THOC2: variants seen among roughly 807,000 people sequenced by gnomAD.
THOC2 encodes THO complex subunit 2.
THOC2 carries 10 observed loss-of-function variants against 128.4 expected under a neutral mutation model. The ratio of observed to expected loss-of-function variants is 0.08; its 90% CI spans 0.05 to 0.13. The LOEUF (loss-of-function observed/expected upper bound fraction) is 0.13, where lower values mean the gene tolerates loss of function less well. THOC2 is among the 10% of genes least tolerant of loss of function. The probability of loss-of-function intolerance (pLI) is 1.00; values close to 1 mark genes in which losing one functional copy is unlikely to be tolerated. For synonymous variants in THOC2, 393 were observed against 396.9 expected (o/e 0.99, Z 0.12); for missense variants, 535 against 1,155.7 (o/e 0.46, Z 7.79).
At chrX:123,602,671 A>T (rs2046323482) in intron 38 of THOC2, 2 of 111,432 alleles carry the variant, frequency 1.8e-5, no homozygotes, top group Non-Finnish European at 3.8e-5. Context: ...CTTGCACAAC[A>T]TAGTGGATAT....
rs188299370 is a variant in THOC2, at chrX:123,650,101, C to T, written c.1387-4726G>A. On this transcript the variant is annotated intron_variant, in intron 12 of 38. Transcript: ENST00000245838. ...AAAGGGAAGCCCATCAGACTAACAG[C>T]GGATCTCTCAGCAGAAACCTTACAA... Among the ~76,000 whole-genome samples the T allele has an allele frequency of 7.8e-3, 873 of 111,929 alleles. 6 individuals are homozygous for T. Among genetic ancestry groups the T allele is most frequent in the Non-Finnish European group, 0.013 (683 of 53,140 alleles).
At chrX:123,654,018 A>T (rs2048467556) in intron 12 of THOC2, among the ~76,000 whole-genome samples, 1 of 111,769 alleles carries the variant, frequency 8.9e-6, no homozygotes, top group South Asian at 3.8e-4. Context: ...ATGCCCATAA[A>T]TGATAGACTG....
intron 32 of THOC2, chrX:123,619,824 C>T (rs1603237662): frequency 8.2e-6 from 1 of 122,406 alleles, no homozygotes; most frequent in African/African-American, 3.2e-5. Flanking sequence ...TTATATTTTT[C>T]ATAGTTCTTC....
chrX:123,654,544 A>G (rs894436623), intron 12 of THOC2, among the ~76,000 whole-genome samples: 4 of 107,472 alleles, frequency 3.7e-5, no homozygotes, highest in Non-Finnish European at 7.7e-5. Context: ...TCACGAGGTC[A>G]GGAGCTCAAG....
At chrX:123,636,336 T>C (rs1013111609) in intron 18 of THOC2, among the ~76,000 whole-genome samples, 161 bp from the exon 19 acceptor site, 2 of 112,259 alleles carry the variant, frequency 1.8e-5, no homozygotes, top group Non-Finnish European at 3.8e-5. Flanking sequence ...TTATTGAGCA[T>C]ACATATGTCA....
At chrX:123,730,873 G>A (rs2052217769) in intron 1 of THOC2, among the ~76,000 whole-genome samples, 1 of 112,102 alleles carries the variant, frequency 8.9e-6, no homozygotes, top group African/African-American at 3.2e-5. Context: ...GAACGTGGGA[G>A]GCGGAGGTTA....
At chrX:123,691,028 A>T (rs537681142) in intron 7 of THOC2, among the ~76,000 whole-genome samples, 1 of 111,656 alleles carries the variant, frequency 9.0e-6, no homozygotes, top group South Asian at 3.8e-4. Context: ...CCAGGGCAAC[A>T]TGGCAAAACC....
intron 27 of THOC2, 40 bp from the exon 28 acceptor site, chrX:123,624,011 A>G: frequency 8.5e-7 from 1 of 1,179,572 alleles, no homozygotes; most frequent in Middle Eastern, 2.4e-4. Context: ...ATAAAAGCAC[A>G]AGTATACAGA....
chrX:123,661,562 A>G (rs1184124500), intron 12 of THOC2, among the ~76,000 whole-genome samples: 1 of 111,198 alleles, frequency 9.0e-6, no homozygotes, highest in Non-Finnish European at 1.9e-5. Flanking sequence ...GATCGATGGA[A>G]TGAATTCCAA....
At chrX:123,694,391 G>A (rs760886363) in intron 7 of THOC2, among the ~76,000 whole-genome samples, 2 of 110,883 alleles carry the variant, frequency 1.8e-5, no homozygotes, top group East Asian at 5.7e-4. Context: ...AAGGCGGGCG[G>A]ATCACCTGAG....
chrX:123,659,528 G>A (rs2048744703), intron 12 of THOC2, among the ~76,000 whole-genome samples: 1 of 111,867 alleles, frequency 8.9e-6, no homozygotes, highest in East Asian at 2.8e-4. Context: ...CCGAGGTTGC[G>A]CCACTGCACT....
intron 10 of THOC2, among the ~76,000 whole-genome samples, chrX:123,667,582 AC>A (rs779350708): frequency 1.2e-4 from 13 of 110,605 alleles, no homozygotes; most frequent in African/African-American, 4.3e-4. Flanking sequence ...TACAAAAAAT[AC>A]AAAAATTAGC....
At position 123,655,996 on chromosome X, in the gene THOC2, G is replaced by A. The variant is rs371189339; in HGVS notation, c.1386+9646C>T. Among the ~76,000 whole-genome samples the A allele has an allele frequency of 2.9e-4, 31 of 107,761 alleles. 1 individual carries two copies. In the South Asian group the frequency reaches 0.012, roughly 42 times the overall value. The allele number at this position is 107,761 out of a possible 115,157, so 93.6% of individuals were successfully genotyped here. A position where few individuals can be genotyped will look rare whatever the true frequency, so the allele number is the denominator to read the frequency against. The stretch of plus-strand genomic sequence containing the variant: ...TTGCACCACTGCACTCTAGCCTGGC[G>A]ACAAAGCAAGACTCTGTCTGGGGAA... On this transcript the variant is annotated intron_variant, in intron 12 of 38. Transcript: ENST00000245838.
intron 8 of THOC2, among the ~76,000 whole-genome samples, chrX:123,682,668 CATTA>C (rs998358801): frequency 6.2e-5 from 7 of 112,007 alleles, no homozygotes; most frequent in African/African-American, 9.7e-5. Context: ...TTCCCCATCT[CATTA>C]ATTGTTTTCT....
At chrX:123,715,234 C>T (rs1407214548) in intron 1 of THOC2, among the ~76,000 whole-genome samples, 4 of 108,215 alleles carry the variant, frequency 3.7e-5, no homozygotes, top group Non-Finnish European at 7.6e-5. Context: ...GATGGGGTTT[C>T]ACCATGTTAC....
At chrX:123,711,059 C>T (rs2051165559) in intron 2 of THOC2, among the ~76,000 whole-genome samples, 1 of 103,943 alleles carries the variant, frequency 9.6e-6, no homozygotes, top group Non-Finnish European at 2.0e-5. Context: ...CACTCTGTCA[C>T]CCAGGCTGGA....
intron 7 of THOC2, among the ~76,000 whole-genome samples, chrX:123,695,666 A>C (rs1185106053): frequency 9.0e-6 from 1 of 111,731 alleles, no homozygotes; most frequent in Non-Finnish European, 1.9e-5. Flanking sequence ...AAATAGAAAT[A>C]CTAGAGAAAC....
intron 1 of THOC2, among the ~76,000 whole-genome samples, chrX:123,721,320 G>A (rs1465746573): frequency 9.2e-6 from 1 of 108,690 alleles, no homozygotes; most frequent in African/African-American, 3.4e-5. Flanking sequence ...TTACAGGTGT[G>A]CACGACCATG....
rs1479212703 is a variant in THOC2 at position 123,678,502 on chromosome X, A to C, written c.769-6741T>G. 3.6e-5 allele frequency among the ~76,000 whole-genome samples: 4 copies of C among 109,825 alleles called. No homozygotes were observed. The Admixed American group carries it at 3.9e-4, about 11-fold the overall frequency. On this transcript the variant is annotated intron_variant, in intron 8 of 38. Transcript: ENST00000245838. ...GGCTGGTCTCGAACTCCTGACCTCAAGTGATCCACCCACCTCGGCTTCCCA... is the reference window on the plus strand; with the variant it reads ...GGCTGGTCTCGAACTCCTGACCTCACGTGATCCACCCACCTCGGCTTCCCA...
Sources: allele counts gnomAD v4.1 joint callset (sites outside exome capture counted in the v4.1 genomes callset), GRCh38; gene constraint gnomAD v4.1.1; transcripts MANE v1.5; gene names NCBI Gene and HGNC (gene_info 2026-07-23, HGNC 2026-07-21).